GALNT13: variants seen among roughly 807,000 people sequenced by gnomAD.
The protein encoded by GALNT13 is UDP-GalNAc:polypeptide N-acetylgalactosaminyltransferase 13.
GALNT13 carries 28 observed loss-of-function variants against 64.2 expected under a neutral mutation model. The observed-to-expected ratio is 0.44, with a 90% CI of 0.32 to 0.60. The LOEUF is 0.60. Ranked by LOEUF, GALNT13 falls within the 20% of genes least tolerant of loss-of-function variation. The probability of loss-of-function intolerance (pLI) is 0.05; values close to 1 mark genes in which losing one functional copy is unlikely to be tolerated. For missense variants in GALNT13, 577 were observed against 669.8 expected (o/e 0.86, Z 1.53); for synonymous variants, 214 against 224.6 (o/e 0.95, Z 0.42).
chr2:153,861,762 T>C, the GALNT13 span, among the ~76,000 whole-genome samples: 3 of 151,878 alleles, frequency 2.0e-5, no homozygotes, highest in African/African-American at 7.3e-5. Flanking sequence ...AGATGTTTAG[T>C]AGAGGGTTTC....
At chr2:153,154,455 G>C in the GALNT13 span, among the ~76,000 whole-genome samples, 1 of 151,954 alleles carries the variant, frequency 6.6e-6, no homozygotes, top group East Asian at 1.9e-4. Context: ...GAAAATGTAC[G>C]AATACACCTC....
the GALNT13 span, among the ~76,000 whole-genome samples, chr2:153,633,210 A>G: frequency 6.6e-6 from 1 of 152,184 alleles, no homozygotes; most frequent in East Asian, 1.9e-4. Flanking sequence ...TTAATTTCCA[A>G]CATATACAAA....
At chr2:153,551,491 A>G in the GALNT13 span, among the ~76,000 whole-genome samples, 1 of 152,224 alleles carries the variant, frequency 6.6e-6, no homozygotes, top group African/African-American at 2.4e-5. Context: ...ACAGGGTAGA[A>G]GACTAATACA....
intron 8 of GALNT13, among the ~76,000 whole-genome samples, chr2:154,283,993 G>A (rs1692113210): frequency 6.6e-6 from 1 of 152,098 alleles, no homozygotes; most frequent in African/African-American, 2.4e-5. Context: ...ATGTTTATTT[G>A]TAATTAACAC....
the GALNT13 span, among the ~76,000 whole-genome samples, chr2:153,354,443 G>T: frequency 2.0e-5 from 3 of 152,144 alleles, no homozygotes; most frequent in Non-Finnish European, 4.4e-5. Context: ...ATTTTTCTGT[G>T]TCCTAATAAC....
At chr2:153,689,583 A>C in the GALNT13 span, among the ~76,000 whole-genome samples, 294 of 152,198 alleles carry the variant, frequency 1.9e-3, no homozygotes, top group African/African-American at 6.7e-3. Context: ...TAAATCTATA[A>C]CACTATGAAT....
the GALNT13 span, among the ~76,000 whole-genome samples, chr2:153,800,644 G>A: frequency 1.3e-5 from 2 of 152,056 alleles, no homozygotes; most frequent in Non-Finnish European, 2.9e-5. Flanking sequence ...TCATTTCAAC[G>A]ACGTTCACAA....
At chr2:153,602,549 G>A in the GALNT13 span, among the ~76,000 whole-genome samples, 3 of 151,738 alleles carry the variant, frequency 2.0e-5, no homozygotes, top group African/African-American at 7.3e-5. Flanking sequence ...GACGTTTTAA[G>A]GAAGAAGAAA....
At chr2:153,575,341 C>T in the GALNT13 span, among the ~76,000 whole-genome samples, 2 of 152,190 alleles carry the variant, frequency 1.3e-5, no homozygotes, top group Non-Finnish European at 2.9e-5. Context: ...CACTTGTCCT[C>T]ACCCAAGATC....
chr2:154,045,456 C>T (rs980302300), intron 3 of GALNT13, among the ~76,000 whole-genome samples: 2 of 152,188 alleles, frequency 1.3e-5, no homozygotes, highest in African/African-American at 4.8e-5. Context: ...TATCCCAGGT[C>T]TTACCTTGTT....
the GALNT13 span, among the ~76,000 whole-genome samples, chr2:153,222,921 G>A: frequency 6.6e-6 from 1 of 152,068 alleles, no homozygotes; most frequent in Non-Finnish European, 1.5e-5. Context: ...AGGCGGCTGG[G>A]AAACTGCAGC....
At chr2:153,358,487 A>G in the GALNT13 span, among the ~76,000 whole-genome samples, 52 of 152,280 alleles carry the variant, frequency 3.4e-4, no homozygotes, top group African/African-American at 1.2e-3. Flanking sequence ...GATGGGAGGC[A>G]CCTGCACCAA....
intron 3 of GALNT13, among the ~76,000 whole-genome samples, chr2:154,057,930 G>A (rs1426923400): frequency 1.3e-5 from 2 of 152,216 alleles, no homozygotes; most frequent in South Asian, 2.1e-4. Context: ...TAATTTATCC[G>A]TTTATTCAAC....
At chr2:154,069,480 G>C (rs529352793) in intron 3 of GALNT13, among the ~76,000 whole-genome samples, 1 of 151,996 alleles carries the variant, frequency 6.6e-6, no homozygotes, top group East Asian at 1.9e-4. Flanking sequence ...ATACTGCTTA[G>C]AGAATTTAAT....
the GALNT13 span, among the ~76,000 whole-genome samples, chr2:153,688,451 C>T: frequency 6.6e-6 from 1 of 151,864 alleles, no homozygotes; most frequent in African/African-American, 2.4e-5. Context: ...TTAGTAAAGC[C>T]TCTTTTGAAA....
the GALNT13 span, among the ~76,000 whole-genome samples, chr2:153,506,765 C>G: frequency 0.013 from 2,039 of 152,272 alleles, 60 homozygotes; most frequent in African/African-American, 0.047. Flanking sequence ...CCTGACAGCT[C>G]TTAAGATTCT....
At chr2:153,270,953 C>G in the GALNT13 span, among the ~76,000 whole-genome samples, 1 of 152,132 alleles carries the variant, frequency 6.6e-6, no homozygotes, top group Non-Finnish European at 1.5e-5. Flanking sequence ...GGATGCAAGG[C>G]TGGTTCAACA....
chr2:153,395,859 G>A, the GALNT13 span, among the ~76,000 whole-genome samples: 1 of 152,214 alleles, frequency 6.6e-6, no homozygotes, highest in East Asian at 1.9e-4. Context: ...AAGGCAGATA[G>A]TATTACTGGG....
At chr2:154,126,526 C>T (rs1304164219) in intron 3 of GALNT13, among the ~76,000 whole-genome samples, 1 of 151,254 alleles carries the variant, frequency 6.6e-6, no homozygotes, top group Non-Finnish European at 1.5e-5. Flanking sequence ...TCCCAGCCAC[C>T]AGGGAGGCTG....
Sources: allele counts gnomAD v4.1 joint callset (sites outside exome capture counted in the v4.1 genomes callset), GRCh38; gene constraint gnomAD v4.1.1; transcripts MANE v1.5; gene names NCBI Gene and HGNC (gene_info 2026-07-23, HGNC 2026-07-21).